Variants in GCC2 observed in about 807,000 individuals in gnomAD.
The protein encoded by GCC2 is GRIP and coiled-coil domain containing 2, also known as GRIP and coiled-coil domain-containing protein 2.
Under a neutral mutation model 210.6 loss-of-function variants are expected in GCC2, and 120 were observed. The observed-to-expected ratio is 0.57, with a 90% CI of 0.49 to 0.66. The LOEUF is 0.66. Ranked by LOEUF, GCC2 falls within the 30% of genes least tolerant of loss-of-function variation. The pLI is 0.00. For synonymous variants in GCC2, 703 were observed against 652.7 expected, an observed-to-expected ratio of 1.08 and a Z score of -1.17; for missense variants, 1,868 against 1,871.9, an observed-to-expected ratio of 1.00 and a Z score of 0.04.
Position 108,492,573 on chromosome 2 carries a change from A to T in GCC2, c.4230A>T (p.Lys1410Asn). The part of the protein sequence containing the change: ...TVSKEAELRE[K>N]LCSIQSENMM... ...TGTAACTAAGTTTCTCATCTTTCAG[A>T]TTGTGTTCAATACAGTCAGAGAACA... The change falls in exon 19 of 23, where the codon AAA becomes AAT. Residue 1410 changes from lysine (K) to asparagine (N), a missense_variant and splice_region_variant. Physicochemically the swap from Lys to Asn is moderately conservative, Grantham distance 94. Transcript: ENST00000309863. 6.3e-7 allele frequency: 1 copy of T among 1,594,958 alleles called. No individual in the cohort carries two copies. Among genetic ancestry groups the T allele is most frequent in the Non-Finnish European group, 8.6e-7 (1 of 1,162,604 alleles).
At position 108,506,689 on chromosome 2, in the gene GCC2, C is replaced by G. The variant is rs1403964104; in HGVS notation, c.4985-871C>G. Among the ~76,000 whole-genome samples the G allele has an allele frequency of 5.3e-5, 8 of 152,088 alleles. No homozygotes were observed. In the South Asian group the frequency reaches 1.5e-3, roughly 28 times the overall value. Reference sequence around the variant, plus strand: ...ACCATAAATCTATTGGTTTTAGATTCTAAGTTGTATATAAGCTTCTGTTTT... The same window carrying G: ...ACCATAAATCTATTGGTTTTAGATTGTAAGTTGTATATAAGCTTCTGTTTT... On this transcript the variant is annotated intron_variant, in intron 22 of 22. Coordinates refer to ENST00000309863, the MANE Select transcript of GCC2 (RefSeq NM_181453.4).
At chr2:108,454,107 C>A (rs1434880275) in intron 4 of GCC2, among the ~76,000 whole-genome samples, 1 of 152,140 alleles carries the variant, frequency 6.6e-6, no homozygotes, top group African/African-American at 2.4e-5. Flanking sequence ...TCTCCTGCCT[C>A]AGCCTCCCAA....
At chr2:108,458,891 CT>C (rs1407896333) in intron 4 of GCC2, among the ~76,000 whole-genome samples, 1 of 151,920 alleles carries the variant, frequency 6.6e-6, no homozygotes, top group East Asian at 1.9e-4. Context: ...GATCCTCTGC[CT>C]TTTTTAAAAG....
In GCC2 at chr2:108,470,599, A is replaced by C. The variant is rs1197102034; in HGVS notation, c.1270A>C (p.Arg424=). The C allele has an allele frequency of 1.2e-6, 2 of 1,610,872 alleles. No individual in the cohort carries two copies. Among genetic ancestry groups the C allele is most frequent in the East Asian group, 4.5e-5 (2 of 44,836 alleles). ...QFCYTVEQHN[R]EVQSLKEQHQ... is the part of the protein sequence containing the mutation. ...TTGCTATACTGTAGAACAGCATAAC[A>C]GAGAAGTACAGAGTCTTAAGGAACA... Residue 424 remains arginine, a synonymous_variant, in exon 6 of 23, where the codon AGA becomes CGA. Coordinates refer to ENST00000309863, the MANE Select transcript of GCC2 (RefSeq NM_181453.4).
At position 108,469,970 on chromosome 2, in the gene GCC2, A is replaced by C. The variant is rs758253345; in HGVS notation, c.641A>C (p.Glu214Ala). The change falls in exon 6 of 23, where the codon GAA (glutamate) becomes GCA (alanine). Residue 214 changes from glutamate (E) to alanine (A), a missense_variant. By Grantham distance (107) the Glu-to-Ala change is moderately radical. Around this residue, in one of 3 missense-constraint regions of GCC2, gnomAD observed 1,847 missense variants for 1,765.2 expected, o/e 1.05. Coordinates refer to ENST00000309863, the MANE Select transcript of GCC2 (RefSeq NM_181453.4). ...GACGCTACCACTGATGAAAAGAAGG[A>C]AACAGTTACTCAACTCCAAAATATC... is the stretch of plus-strand genomic sequence containing the variant. ...QLDATTDEKKETVTQLQNIIE... is the reference protein window; with the variant it reads ...QLDATTDEKKATVTQLQNIIE... 1.3e-5 allele frequency: 21 copies of C among 1,613,210 alleles called. No homozygotes were observed. Among genetic ancestry groups the C allele is most frequent in the Non-Finnish European group, 1.8e-5 (21 of 1,179,506 alleles).
In GCC2 at chr2:108,481,835, C is replaced by CA; in HGVS notation, c.3180+24dup. The CA allele has an allele frequency of 6.6e-7, 1 of 1,515,542 alleles. No individual in the cohort carries two copies. The allele number at this position is 1,515,542 out of a possible 1,614,324, so 93.9% of individuals were successfully genotyped here. A position where few individuals can be genotyped will look rare whatever the true frequency, so the allele number is the denominator to read the frequency against. On this transcript the variant is annotated intron_variant, in intron 10 of 22. Coordinates refer to ENST00000309863, the MANE Select transcript of GCC2 (RefSeq NM_181453.4). ...TTTGCAGGTAATTTTTTAATAAATC[C>CA]AAAAATGAAAACTATAACAGGTATA...
chr2:108,477,691 A>G (rs1558745928), intron 9 of GCC2, among the ~76,000 whole-genome samples: 2 of 152,238 alleles, frequency 1.3e-5, no homozygotes, highest in South Asian at 2.1e-4. Flanking sequence ...TTAAAAACCT[A>G]GAATGAAATA....
In GCC2 at chr2:108,470,964, A is replaced by G. The variant is rs759778171; in HGVS notation, c.1635A>G (p.Glu545=). Residue 545 remains glutamate (E), a synonymous_variant, in exon 6 of 23, where the codon GAA becomes GAG. Transcript: ENST00000309863. ...TGAATCGCCTCCAGGGAGAAAATGA[A>G]AAGTTACTATCTCAACAAGAATTGG... The part of the protein sequence containing the change: ...ETVNRLQGEN[E]KLLSQQELVP... 1.2e-6 allele frequency: 2 copies of G among 1,613,354 alleles called. No individual in the cohort carries two copies. The highest frequency in any genetic ancestry group is 1.7e-6 in the Non-Finnish European group (2 of 1,179,604).
chr2:108,470,362 G>A lies in GCC2; in HGVS notation c.1033G>A (p.Glu345Lys), dbSNP rs1681129518. 3 of 1,604,978 alleles carry A rather than the reference G, an allele frequency of 1.9e-6. No individual in the cohort carries two copies. The highest frequency in any genetic ancestry group is 1.3e-5 in the African/African-American group (1 of 74,440). The stretch of plus-strand genomic sequence containing the variant: ...CTTAGAAGATACCTTAAAAGAACTT[G>A]AATCTCAACACAGTATCTTAAAAGA... ...KHLEDTLKEL[E>K]SQHSILKDEV... The change falls in exon 6 of 23, where the codon GAA becomes AAA. Residue 345 changes from glutamate to lysine, a missense_variant. By Grantham distance (56) the Glu-to-Lys change is moderately conservative. Transcript: ENST00000309863.
chr2:108,475,883 A>T, intron 9 of GCC2, 33 bp downstream of exon 9: 1 of 1,162,538 alleles, frequency 8.6e-7, no homozygotes, highest in Non-Finnish European at 1.3e-6. Context: ...ACAAGTTATA[A>T]AAGTTGTAAT....
At chr2:108,461,893 G>A (rs997422783) in intron 4 of GCC2, among the ~76,000 whole-genome samples, 5 of 138,106 alleles carry the variant, frequency 3.6e-5, no homozygotes, top group Non-Finnish European at 7.7e-5. Flanking sequence ...GACTGCAGTG[G>A]CCTATCTCGG....
intron 22 of GCC2, 108 bp from the exon 23 acceptor site, chr2:108,507,452 T>A: frequency 4.2e-6 from 3 of 709,332 alleles, no homozygotes; most frequent in East Asian, 5.7e-5. Context: ...AAACACATTA[T>A]TTGCTTATAT....
intron 1 of GCC2, 60 bp downstream of exon 1, chr2:108,449,340 G>A: frequency 6.5e-7 from 1 of 1,534,750 alleles, no homozygotes; most frequent in South Asian, 1.2e-5. Flanking sequence ...TTTGGGATGT[G>A]GGAGTGGGCC....
chr2:108,481,557 C>A, intron 9 of GCC2, 140 bp from the exon 10 acceptor site: 1 of 532,186 alleles, frequency 1.9e-6, no homozygotes, highest in Non-Finnish European at 3.3e-6. Flanking sequence ...TACCTAATGC[C>A]AGTTAGGTAT....
At chr2:108,492,852 C>A in intron 19 of GCC2, 62 bp downstream of exon 19, 1 of 1,189,564 alleles carries the variant, frequency 8.4e-7, no homozygotes. Context: ...CTCTTAAATA[C>A]ATTCTTCACA....
At chr2:108,451,254 T>G in intron 3 of GCC2, 142 bp downstream of exon 3, 1 of 523,738 alleles carries the variant, frequency 1.9e-6, no homozygotes, top group South Asian at 3.0e-5. Flanking sequence ...AATCTGTTAT[T>G]TAACATTCTA....
chr2:108,479,428 C>A (rs996287981), intron 9 of GCC2, among the ~76,000 whole-genome samples: 3 of 152,042 alleles, frequency 2.0e-5, no homozygotes, highest in African/African-American at 7.2e-5. Context: ...ATTGCCTGAG[C>A]TTAGGAGTTT....
At chr2:108,449,832 A>T (rs2460945) in intron 2 of GCC2, 143 bp downstream of exon 2, 1 of 634,382 alleles carries the variant, frequency 1.6e-6, no homozygotes, top group Non-Finnish European at 2.8e-6. Context: ...AGTGTGCGCA[A>T]TCGCCCATTT....
intron 22 of GCC2, among the ~76,000 whole-genome samples, chr2:108,503,860 A>G (rs891052952): frequency 2.0e-5 from 3 of 152,234 alleles, no homozygotes; most frequent in African/African-American, 7.2e-5. Flanking sequence ...TGTAAGCCCA[A>G]CAGTTTGGGA....
Sources: gnomAD v4.1 joint callset for allele counts (sites outside exome capture counted in the v4.1 genomes callset) on GRCh38, gnomAD v4.1.1 for gene constraint, gnomAD v4.1.1 regional missense constraint, MANE v1.5 for transcripts, NCBI Gene and HGNC (gene_info 2026-07-23, HGNC 2026-07-21) for gene names.